Variants in CREM observed in about 807,000 individuals in gnomAD.
CREM encodes the protein cAMP-responsive element modulator.
Under a neutral mutation model 37.3 loss-of-function variants are expected in CREM, and 13 were observed. That is an observed-to-expected ratio of 0.35 (90% CI 0.23 to 0.55). The LOEUF (loss-of-function observed/expected upper bound fraction) is 0.55. CREM is among the 20% of genes least tolerant of loss of function. CREM has a pLI of 0.88. For synonymous variants in CREM, 124 were observed against 120.2 expected (o/e 1.03, Z -0.21); for missense variants, 296 against 362.3 (o/e 0.82, Z 1.49).
chr10:35,174,626 C>G (rs577579301), intron 3 of CREM, among the ~76,000 whole-genome samples: 1 of 152,166 alleles, frequency 6.6e-6, no homozygotes, highest in Non-Finnish European at 1.5e-5. Flanking sequence ...TGCTGTGGTT[C>G]TACTACCACT....
chr10:35,199,705 A>G (rs2095325757), intron 6 of CREM, among the ~76,000 whole-genome samples: 1 of 152,180 alleles, frequency 6.6e-6, no homozygotes. Context: ...GCTAGCAAGT[A>G]GTGGACCCGT....
chr10:35,147,041 GTTTTTTTTTT>G (rs755346866), intron 2 of CREM, among the ~76,000 whole-genome samples: 74 of 120,976 alleles, frequency 6.1e-4, no homozygotes, highest in Admixed American at 1.4e-3. Flanking sequence ...AGTTTTTTGG[GTTTTTTTTTT>G]TTTTTTTTTT....
intron 3 of CREM, among the ~76,000 whole-genome samples, chr10:35,163,187 G>T (rs776283105): frequency 2.0e-4 from 31 of 152,046 alleles, no homozygotes; most frequent in Non-Finnish European, 2.6e-4. Flanking sequence ...TCCAGCCTGG[G>T]TGACAGAGCA....
intron 6 of CREM, chr10:35,196,214 T>G: frequency 9.6e-7 from 1 of 1,042,092 alleles, no homozygotes; most frequent in Non-Finnish European, 1.4e-6. Flanking sequence ...ACTCCATCTA[T>G]AGGAACTTGC....
chr10:35,183,849 CG>C (rs1661817046), intron 5 of CREM, among the ~76,000 whole-genome samples: 3 of 152,100 alleles, frequency 2.0e-5, no homozygotes, highest in Non-Finnish European at 2.9e-5. Flanking sequence ...CTGAGGTGGG[CG>C]GATCACCTGA....
At chr10:35,176,425 T>TG (rs1412876874) in intron 3 of CREM, among the ~76,000 whole-genome samples, 1 of 150,418 alleles carries the variant, frequency 6.6e-6, no homozygotes, top group African/African-American at 2.4e-5. Context: ...TTTTTTTTTT[T>TG]GAGACAGAGT....
chr10:35,205,579 AT>A (rs1389069635), intron 6 of CREM, among the ~76,000 whole-genome samples: 1 of 152,220 alleles, frequency 6.6e-6, no homozygotes, highest in Non-Finnish European at 1.5e-5. Flanking sequence ...AAACTGAAAC[AT>A]TCAGAGGATG....
chr10:35,179,489 G>A (rs1179188945), intron 5 of CREM: 5 of 484,330 alleles, frequency 1.0e-5, no homozygotes, highest in Non-Finnish European at 1.7e-5. Context: ...TTTGACTGCC[G>A]AATATAGAAG....
At chr10:35,170,679 T>G (rs2093769510) in intron 3 of CREM, among the ~76,000 whole-genome samples, 2 of 152,242 alleles carry the variant, frequency 1.3e-5, no homozygotes, top group South Asian at 4.1e-4. Context: ...TTTTCTAGTG[T>G]ATTTGCATAG....
At chr10:35,163,870 CAT>C (rs1172565037) in intron 3 of CREM, among the ~76,000 whole-genome samples, 2 of 151,388 alleles carry the variant, frequency 1.3e-5, no homozygotes, top group South Asian at 2.1e-4. Context: ...AGTGTGGTGA[CAT>C]GTGCTTGTAG....
At chr10:35,128,745 T>G (rs955170884) in intron 1 of CREM, among the ~76,000 whole-genome samples, 1 of 152,132 alleles carries the variant, frequency 6.6e-6, no homozygotes, top group Non-Finnish European at 1.5e-5. Flanking sequence ...CAGGATGGTC[T>G]CGATCTCCTG....
chr10:35,196,077 G>C (rs769795327), intron 6 of CREM: 2 of 1,614,184 alleles, frequency 1.2e-6, no homozygotes, highest in South Asian at 2.2e-5. Context: ...ACAGAACTCA[G>C]GAGTTGTCTG....
At chr10:35,195,555 C>A (rs2095120801) in intron 6 of CREM, among the ~76,000 whole-genome samples, 1 of 151,888 alleles carries the variant, frequency 6.6e-6, no homozygotes, top group Admixed American at 6.6e-5. Context: ...TTCTGCCCTA[C>A]TAAAATAAGC....
At chr10:35,128,600 A>C (rs1241222998) in intron 1 of CREM, among the ~76,000 whole-genome samples, 2 of 141,064 alleles carry the variant, frequency 1.4e-5, no homozygotes, top group African/African-American at 5.4e-5. Context: ...CTCTCAGCTC[A>C]CTGCAAGCTC....
chr10:35,169,555 C>T (rs2093703409), intron 3 of CREM, among the ~76,000 whole-genome samples: 1 of 152,162 alleles, frequency 6.6e-6, no homozygotes, highest in African/African-American at 2.4e-5. Flanking sequence ...GACAATATGA[C>T]TTCCTCTTTT....
At chr10:35,178,755 A>G (rs927345961) in intron 3 of CREM, 134 bp from the exon 4 acceptor site, 1 of 611,658 alleles carries the variant, frequency 1.6e-6, no homozygotes, top group Non-Finnish European at 2.8e-6. Flanking sequence ...GTGCAGATTC[A>G]CTGTGTTCTA....
At chr10:35,183,441 T>C (rs1250941539) in intron 5 of CREM, among the ~76,000 whole-genome samples, 1 of 152,236 alleles carries the variant, frequency 6.6e-6, no homozygotes, top group Non-Finnish European at 1.5e-5. Context: ...CTAAGGCAAC[T>C]GTTTCAAAAT....
chr10:35,204,686 CAA>C (rs756996560), intron 6 of CREM, among the ~76,000 whole-genome samples: 9 of 150,488 alleles, frequency 6.0e-5, no homozygotes, highest in Admixed American at 2.0e-4. Flanking sequence ...ACCTTATAAA[CAA>C]TATTTTTATT....
intron 3 of CREM, among the ~76,000 whole-genome samples, chr10:35,155,024 CA>C (rs1392922287): frequency 1.3e-5 from 2 of 152,182 alleles, no homozygotes; most frequent in Admixed American, 6.5e-5. Context: ...TTAAAGGTGA[CA>C]GTACTTTGCT....
Sources: allele counts gnomAD v4.1 joint callset (sites outside exome capture counted in the v4.1 genomes callset), GRCh38; gene constraint gnomAD v4.1.1; transcripts MANE v1.5; gene names NCBI Gene and HGNC (gene_info 2026-07-23, HGNC 2026-07-21).